Variants in MAPKBP1 observed in about 807,000 individuals in gnomAD.
The protein encoded by MAPKBP1 is mitogen-activated protein kinase-binding protein 1.
Under a neutral mutation model 170.5 loss-of-function variants are expected in MAPKBP1, and 71 were observed. The ratio of observed to expected loss-of-function variants is 0.42; its 90% confidence interval spans 0.34 to 0.51. The LOEUF (loss-of-function observed/expected upper bound fraction) is 0.51. MAPKBP1 is among the 20% of genes least tolerant of loss of function. MAPKBP1 has a pLI of 0.06. For synonymous variants in MAPKBP1, 719 were observed against 757.9 expected (o/e 0.95, Z 0.84); for missense variants, 1,598 against 1,933.0 (o/e 0.83, Z 3.25).
chr15:41,823,386 G>A (rs1169194393), intron 28 of MAPKBP1, 61 bp from the exon 29 acceptor site: 36 of 1,562,486 alleles, frequency 2.3e-5, no homozygotes, highest in African/African-American at 6.8e-5. Context: ...GGGATTGGGT[G>A]TTGGCACCTG....
At chr15:41,793,770 T>A (rs2064435794) in intron 2 of MAPKBP1, among the ~76,000 whole-genome samples, 1 of 152,140 alleles carries the variant, frequency 6.6e-6, no homozygotes, top group Admixed American at 6.5e-5. Context: ...ATGCTACATA[T>A]TCAGTGAAGG....
At chr15:41,793,094 G>C (rs769521858) in intron 2 of MAPKBP1, among the ~76,000 whole-genome samples, 2 of 152,128 alleles carry the variant, frequency 1.3e-5, no homozygotes, top group Non-Finnish European at 2.9e-5. Context: ...GCTCCCTTCT[G>C]TTAAGCCAGA....
At chr15:41,784,216 A>G (rs2064240889) in intron 2 of MAPKBP1, among the ~76,000 whole-genome samples, 1 of 152,316 alleles carries the variant, frequency 6.6e-6, no homozygotes, top group Middle Eastern at 3.4e-3. Context: ...ACTTTTCTCA[A>G]CATGTCCTTT....
intron 21 of MAPKBP1, 48 bp from the exon 22 acceptor site, chr15:41,819,547 C>T (rs867163788): frequency 1.3e-5 from 16 of 1,235,852 alleles, no homozygotes; most frequent in Middle Eastern, 2.3e-4. Flanking sequence ...GGTTGGGTGG[C>T]GGGGGGGGGG....
At position 41,827,297 on chromosome 15, in the gene MAPKBP1, C is replaced by G. The variant is rs1400352014; in HGVS notation, c.*1861C>G. 1 of 134,620 alleles carries G rather than the reference C, an allele frequency of 7.4e-6. No individual in the cohort carries two copies. The highest frequency in any genetic ancestry group is 2.0e-4 in the East Asian group (1 of 4,956). 8.3% of individuals were successfully genotyped at this position (134,620 alleles called of 1,614,324 possible). A position where few individuals can be genotyped will look rare whatever the true frequency, so the allele number is the denominator to read the frequency against. On this transcript the variant is annotated 3_prime_UTR_variant, in exon 31 of 31. Transcript: ENST00000457542. ...CCTAGGTGACAAAGCTACACGCCAT[C>G]TCAAAAAAAAAAAAGAAAAAGGGTT...
chr15:41,804,398 C>T (rs1181613750), intron 3 of MAPKBP1, among the ~76,000 whole-genome samples: 1 of 152,230 alleles, frequency 6.6e-6, no homozygotes, highest in Non-Finnish European at 1.5e-5. Flanking sequence ...GATGGAAAGA[C>T]CTCTCTACTG....
At position 41,818,040 on chromosome 15, in the gene MAPKBP1, A is replaced by C; in HGVS notation, c.1936A>C (p.Lys646Gln). 2 of 1,614,138 alleles carry C rather than the reference A, an allele frequency of 1.2e-6. No homozygotes were observed. Among genetic ancestry groups the C allele is most frequent in the Non-Finnish European group, 1.7e-6 (2 of 1,180,010 alleles). Residue 646 changes from lysine to glutamine, a missense_variant, in exon 17 of 31, where the codon AAG (lysine) becomes CAG (glutamine). Around this residue, in one of 6 missense-constraint regions of MAPKBP1, gnomAD observed 430 missense variants for 617.2 expected, o/e 0.70. Coordinates refer to ENST00000457542, the MANE Select transcript of MAPKBP1 (RefSeq NM_014994.3). This position sits in a 1 kb window ranked among gnomAD's most constrained non-coding sequence, Gnocchi z 5.2. The part of the protein sequence containing the change: ...IFNISSGKQK[K>Q]LFKGSQGEDG... Reference sequence around the variant, plus strand: ...TAACATCAGCAGTGGAAAGCAGAAGAAGCTGTTTAAAGGGTCACAGGGTGA... The same window carrying C: ...TAACATCAGCAGTGGAAAGCAGAAGCAGCTGTTTAAAGGGTCACAGGGTGA...
intron 21 of MAPKBP1, 38 bp from the exon 22 acceptor site, chr15:41,819,557 G>GTGGGGGGGGGGGGGGGGGGGGGAC: frequency 7.2e-7 from 1 of 1,384,690 alleles, no homozygotes; most frequent in Non-Finnish European, 1.0e-6. Context: ...CGGGGGGGGG[G>GTGGGGGGGGGGGGGGGGGGGGGAC]CAGGAGACAC....
In MAPKBP1 at chr15:41,826,383, C is replaced by G. The variant is rs1328030326; in HGVS notation, c.*947C>G. On this transcript the variant is annotated 3_prime_UTR_variant, in exon 31 of 31. Coordinates refer to ENST00000457542, the MANE Select transcript of MAPKBP1 (RefSeq NM_014994.3). The stretch of plus-strand genomic sequence containing the variant: ...AGCCACAGATGAGATCACACGCATG[C>G]ACGTGCACACATGTACACACACACA... 1 of 152,108 alleles carries G rather than the reference C, an allele frequency of 6.6e-6. No individual in the cohort carries two copies. The highest frequency in any genetic ancestry group is 1.9e-4 in the East Asian group (1 of 5,202). 9.4% of individuals were successfully genotyped at this position (152,108 alleles called of 1,614,324 possible).
Position 41,817,763 on chromosome 15 carries a change from C to T in MAPKBP1, c.1904+28C>T, listed in dbSNP as rs1338242675. ...GGGCGTCCCCTCCTCAGACTCTGCC[C>T]ACATTCCTTCATCTCCCTACGGGGT... On this transcript the variant is annotated intron_variant, in intron 16 of 30. Transcript: ENST00000457542. This position sits in a 1 kb window ranked among gnomAD's most constrained non-coding sequence, Gnocchi z 4.2. The T allele has an allele frequency of 6.2e-7, 1 of 1,606,258 alleles. No individual in the cohort carries two copies. The highest frequency in any genetic ancestry group is 1.3e-5 in the African/African-American group (1 of 74,792).
chr15:41,786,763 TA>T lies in MAPKBP1; in HGVS notation c.114+11389del, dbSNP rs1232815975. Among the ~76,000 whole-genome samples, 13 of 30,596 alleles carry T rather than the reference TA, an allele frequency of 4.2e-4. 1 individual carries two copies. The highest frequency in any genetic ancestry group is 1.6e-3 in the African/African-American group (10 of 6,258). The allele number at this position is 30,596 out of a possible 152,430, so 20.1% of individuals were successfully genotyped here. A position where few individuals can be genotyped will look rare whatever the true frequency, so the allele number is the denominator to read the frequency against. On this transcript the variant is annotated intron_variant, in intron 2 of 30. Coordinates refer to ENST00000457542, the MANE Select transcript of MAPKBP1 (RefSeq NM_014994.3). ...ATGGGCGACAGAGCCAGACTCCGTC[TA>T]AAAAAAAAAAAAAATATATATATAT... is the stretch of plus-strand genomic sequence containing the variant.
chr15:41,801,417 G>A (rs114621170), intron 3 of MAPKBP1, among the ~76,000 whole-genome samples: 1,652 of 152,198 alleles, frequency 0.011, 30 homozygotes, highest in African/African-American at 0.037. Flanking sequence ...AATGAGTAGC[G>A]CTACTGCTGT....
rs1023297820 is a variant in MAPKBP1 at position 41,827,398 on chromosome 15, C to T, written c.*1962C>T. ...CCAAACCTGGCCCTTCCCCACTCCT[C>T]TAGCATCGCCACCCGCATGGCCCTG... On this transcript the variant is annotated 3_prime_UTR_variant, in exon 31 of 31. Transcript: ENST00000457542. 2 of 152,408 alleles carry T rather than the reference C, an allele frequency of 1.3e-5. No homozygotes were observed. The highest frequency in any genetic ancestry group is 1.3e-4 in the Admixed American group (2 of 15,292). The allele number at this position is 152,408 out of a possible 1,614,324, so 9.4% of individuals were successfully genotyped here.
At chr15:41,805,973 G>A (rs1229609615) in intron 3 of MAPKBP1, among the ~76,000 whole-genome samples, 1 of 152,142 alleles carries the variant, frequency 6.6e-6, no homozygotes, top group Non-Finnish European at 1.5e-5. Context: ...CCTCTCCCCA[G>A]GGCCCTCATT....
chr15:41,816,723 T>C, intron 13 of MAPKBP1, 73 bp downstream of exon 13: 1 of 1,492,286 alleles, frequency 6.7e-7, no homozygotes, highest in Admixed American at 1.7e-5. Flanking sequence ...TCCCGGCTCT[T>C]GGACGTGGGG....
In MAPKBP1 at chr15:41,822,365, G is replaced by C. The variant is rs1410082352; in HGVS notation, c.3172G>C (p.Asp1058His). The change falls in exon 26 of 31, where the codon GAC becomes CAC. Residue 1058 changes from aspartate to histidine, a missense_variant. Asp to His is a moderately conservative substitution (Grantham distance 81). This residue lies in a region of MAPKBP1 where 942 missense variants were observed against 953.2 expected (regional missense o/e 0.99). Transcript: ENST00000457542. ...GLQEGSPQTP[D>H]QEQFLKQHFE... Reference sequence around the variant, plus strand: ...ACAGGAGGGCAGCCCCCAGACTCCAGACCAGGAGCAGTTTCTAAAACAGCA... The same window carrying C: ...ACAGGAGGGCAGCCCCCAGACTCCACACCAGGAGCAGTTTCTAAAACAGCA... 1.2e-6 allele frequency: 2 copies of C among 1,614,072 alleles called. No individual in the cohort carries two copies. Among genetic ancestry groups the C allele is most frequent in the Admixed American group, 3.3e-5 (2 of 60,026 alleles).
chr15:41,819,722 T>C, intron 22 of MAPKBP1, 72 bp downstream of exon 22: 1 of 1,484,492 alleles, frequency 6.7e-7, no homozygotes, highest in African/African-American at 1.4e-5. Context: ...CAGGGCTCTC[T>C]GGGCCTGGTA....
chr15:41,822,344 G>C lies in MAPKBP1; in HGVS notation c.3151G>C (p.Glu1051Gln). 6.2e-7 allele frequency: 1 copy of C among 1,614,044 alleles called. No individual in the cohort carries two copies. Among genetic ancestry groups the C allele is most frequent in the Non-Finnish European group, 8.5e-7 (1 of 1,179,998 alleles). ...AGGCATGGGCCCCTATGGGCTACAG[G>C]AGGGCAGCCCCCAGACTCCAGACCA... ...EGGMGPYGLQEGSPQTPDQEQ... is the reference protein window; with the variant it reads ...EGGMGPYGLQQGSPQTPDQEQ... The change falls in exon 26 of 31, where the codon GAG becomes CAG. Residue 1051 changes from glutamate (E) to glutamine (Q), a missense_variant. By Grantham distance (29) the Glu-to-Gln change is conservative. Transcript: ENST00000457542.
chr15:41,821,121 C>T (rs2064989626), intron 23 of MAPKBP1, 53 bp downstream of exon 23: 1 of 1,541,768 alleles, frequency 6.5e-7, no homozygotes, highest in Non-Finnish European at 9.0e-7. Context: ...CCTTAGGCAG[C>T]CTTTGCCACC....
Sources: gnomAD v4.1 joint callset for allele counts (sites outside exome capture counted in the v4.1 genomes callset) on GRCh38, gnomAD v4.1.1 for gene constraint, gnomAD v4.1.1 regional missense constraint, Gnocchi (gnomAD v3.1) non-coding constraint, MANE v1.5 for transcripts, NCBI Gene and HGNC (gene_info 2026-07-23, HGNC 2026-07-21) for gene names.